ADAMTS20: variants seen among roughly 807,000 people sequenced by gnomAD.
The protein encoded by ADAMTS20 is A disintegrin and metalloproteinase with thrombospondin motifs 20.
ADAMTS20 carries 225 observed loss-of-function variants against 260.1 expected under a neutral mutation model. The observed-to-expected ratio is 0.87, with a 90% CI of 0.78 to 0.97. The LOEUF is 0.97. Ranked by LOEUF, ADAMTS20 falls within the 50% of genes least tolerant of loss-of-function variation. ADAMTS20 has a pLI of 0.00. For missense variants in ADAMTS20, 2,400 were observed against 2,337.7 expected, an observed-to-expected ratio of 1.03 and a Z score of -0.55; for synonymous variants, 802 against 769.5, an observed-to-expected ratio of 1.04 and a Z score of -0.70.
At position 43,375,490 on chromosome 12, in the gene ADAMTS20, G is replaced by C; in HGVS notation, c.5335C>G (p.Pro1779Ala). Residue 1779 changes from proline (P) to alanine (A), a missense_variant, in exon 36 of 39, where the codon CCT (proline) becomes GCT (alanine). By Grantham distance (27) the Pro-to-Ala change is conservative. Transcript: ENST00000389420. ...GFRLKNPYQCPFNGSRREDCE... is the reference protein window; with the variant it reads ...GFRLKNPYQCAFNGSRREDCE... ...TCTTCCCTTCTACTCCCATTAAAAG[G>C]ACATTGATATGGATTTTTTAGTCTG... 6.2e-7 allele frequency: 1 copy of C among 1,613,304 alleles called. No individual in the cohort carries two copies. The highest frequency in any genetic ancestry group is 8.5e-7 in the Non-Finnish European group (1 of 1,179,478).
intron 2 of ADAMTS20, among the ~76,000 whole-genome samples, chr12:43,534,630 C>T (rs927032015): frequency 6.6e-6 from 1 of 151,992 alleles, no homozygotes; most frequent in African/African-American, 2.4e-5. Context: ...GATGGCATCC[C>T]TTGAGGTTAT....
rs775817558 is a variant in ADAMTS20 at position 43,439,739 on chromosome 12, C to T, written c.2476G>A (p.Gly826Ser). The T allele has an allele frequency of 1.1e-5, 18 of 1,610,208 alleles. No homozygotes were observed. The highest frequency in any genetic ancestry group is 1.4e-5 in the Non-Finnish European group (17 of 1,178,258). Residue 826 changes from glycine (G) to serine (S), a missense_variant, in exon 18 of 39, where the codon GGT becomes AGT. Gly to Ser is a moderately conservative substitution (Grantham distance 56, BLOSUM62 0). Coordinates refer to ENST00000389420, the MANE Select transcript of ADAMTS20 (RefSeq NM_025003.5). Reference protein sequence around the residue: ...KELILQVLCVGNLYNPDVHYS... With the variant: ...KELILQVLCVSNLYNPDVHYS... ...TGTACATCAGGGTTGTATAAATTACCCACACACAACACCTCAATAAGAATA... is the reference window on the plus strand; with the variant it reads ...TGTACATCAGGGTTGTATAAATTACTCACACACAACACCTCAATAAGAATA...
intron 28 of ADAMTS20, among the ~76,000 whole-genome samples, chr12:43,402,216 T>C (rs1315069781): frequency 3.9e-5 from 6 of 152,034 alleles, no homozygotes; most frequent in Admixed American, 2.0e-4. Context: ...TATCAGCTGA[T>C]GGATGTTTAT....
intron 2 of ADAMTS20, among the ~76,000 whole-genome samples, chr12:43,547,578 C>T (rs937310884): frequency 6.6e-6 from 1 of 152,104 alleles, no homozygotes; most frequent in East Asian, 1.9e-4. Context: ...AAGAGTTCGA[C>T]AAAGAGAGGA....
chr12:43,367,254 TACA>T (rs1409791494), intron 37 of ADAMTS20, among the ~76,000 whole-genome samples: 1 of 151,974 alleles, frequency 6.6e-6, no homozygotes, highest in Non-Finnish European at 1.5e-5. Flanking sequence ...AAAAAAATGA[TACA>T]ACAATTTCTA....
chr12:43,405,499 C>T (rs1027938024), intron 28 of ADAMTS20, among the ~76,000 whole-genome samples: 2 of 149,806 alleles, frequency 1.3e-5, no homozygotes, highest in African/African-American at 4.9e-5. Context: ...TAATTGTAAA[C>T]ATTTCATATG....
chr12:43,497,615 ACC>A (rs1164774846), intron 4 of ADAMTS20, among the ~76,000 whole-genome samples: 1 of 152,132 alleles, frequency 6.6e-6, no homozygotes, highest in Non-Finnish European at 1.5e-5. Context: ...AAATGGTTAT[ACC>A]TGAAGTATGA....
chr12:43,389,988 T>G (rs1021453594), intron 29 of ADAMTS20, among the ~76,000 whole-genome samples: 1 of 152,224 alleles, frequency 6.6e-6, no homozygotes, highest in Non-Finnish European at 1.5e-5. Flanking sequence ...TGCTAAAGTT[T>G]ATCACCTGTG....
chr12:43,505,802 C>G (rs937326684), intron 3 of ADAMTS20, among the ~76,000 whole-genome samples: 1 of 152,080 alleles, frequency 6.6e-6, no homozygotes, highest in East Asian at 1.9e-4. Context: ...GGTAAATATC[C>G]AAAAACAATG....
chr12:43,437,541 T>C (rs1370525665), intron 18 of ADAMTS20, among the ~76,000 whole-genome samples: 2 of 152,182 alleles, frequency 1.3e-5, no homozygotes, highest in South Asian at 2.1e-4. Context: ...ATGACAAGCA[T>C]GAAATTGGAA....
intron 29 of ADAMTS20, among the ~76,000 whole-genome samples, chr12:43,384,233 T>A (rs1270887544): frequency 6.6e-6 from 1 of 152,180 alleles, no homozygotes; most frequent in Non-Finnish European, 1.5e-5. Flanking sequence ...AGCATCTCAA[T>A]CAATGACTCT....
At position 43,466,815 on chromosome 12, in the gene ADAMTS20, CT is replaced by C; in HGVS notation, c.1224-21del. ...CCAAGTCTAAAAATAAAAATAAACA[CT>C]TAAAAGGAATATCAAAAGATGCTTA... On this transcript the variant is annotated intron_variant, in intron 8 of 38. Coordinates refer to ENST00000389420, the MANE Select transcript of ADAMTS20 (RefSeq NM_025003.5). The C allele has an allele frequency of 1.3e-6, 2 of 1,542,072 alleles. No homozygotes were observed. The highest frequency in any genetic ancestry group is 1.2e-5 in the South Asian group (1 of 86,130).
chr12:43,498,932 G>GTT (rs1942715590), intron 4 of ADAMTS20, among the ~76,000 whole-genome samples: 1 of 152,078 alleles, frequency 6.6e-6, no homozygotes. Context: ...TGTGATCACT[G>GTT]TTTTTTAACC....
At chr12:43,386,101 A>G (rs1940470867) in intron 29 of ADAMTS20, among the ~76,000 whole-genome samples, 1 of 152,042 alleles carries the variant, frequency 6.6e-6, no homozygotes, top group Non-Finnish European at 1.5e-5. Context: ...TTTCAAAAAA[A>G]CAGGTCCTGG....
chr12:43,440,085 G>A lies in ADAMTS20; in HGVS notation c.2291-16C>T, dbSNP rs1160978551. 3.6e-5 allele frequency: 55 copies of A among 1,520,346 alleles called. No individual in the cohort carries two copies. Among genetic ancestry groups the A allele is most frequent in the Non-Finnish European group, 4.8e-5 (54 of 1,131,688 alleles). The allele number at this position is 1,520,346 out of a possible 1,614,324, so 94.2% of individuals were successfully genotyped here. ...TCAGATAATGCTGTAAAAGAATAAA[G>A]CATAACTCATGAAATAGTAACACCA... is the stretch of plus-strand genomic sequence containing the variant. On this transcript the variant is annotated splice_polypyrimidine_tract_variant and intron_variant, in intron 16 of 38. Transcript: ENST00000389420.
intron 28 of ADAMTS20, among the ~76,000 whole-genome samples, chr12:43,417,628 C>T (rs141405452): frequency 1.3e-3 from 200 of 152,240 alleles, no homozygotes; most frequent in African/African-American, 4.6e-3. Context: ...AACATATATT[C>T]CTCATAAGTA....
intron 2 of ADAMTS20, among the ~76,000 whole-genome samples, chr12:43,537,217 T>G (rs1374374881): frequency 7.5e-5 from 9 of 119,850 alleles, no homozygotes; most frequent in South Asian, 2.7e-4. Flanking sequence ...ATTTTGAAGG[T>G]TTTTTTTTTG....
chr12:43,548,674 C>T (rs1330638714), intron 2 of ADAMTS20, among the ~76,000 whole-genome samples: 2 of 152,056 alleles, frequency 1.3e-5, no homozygotes, highest in African/African-American at 2.4e-5. Context: ...AGTCACTAAT[C>T]TCATCAGTAA....
At chr12:43,409,628 A>AAC (rs1555175897) in intron 28 of ADAMTS20, among the ~76,000 whole-genome samples, 6 of 141,746 alleles carry the variant, frequency 4.2e-5, no homozygotes, top group African/African-American at 1.6e-4. Context: ...AAAAAAAAAA[A>AAC]AACAAGAAAA....
Sources: gnomAD v4.1 joint callset for allele counts (sites outside exome capture counted in the v4.1 genomes callset) on GRCh38, gnomAD v4.1.1 for gene constraint, MANE v1.5 for transcripts, NCBI Gene and HGNC (gene_info 2026-07-23, HGNC 2026-07-21) for gene names.